GRM7: variants seen among roughly 807,000 people sequenced by gnomAD.
GRM7 encodes the protein glutamate metabotropic receptor 7.
In GRM7, 35 loss-of-function variants were observed where a neutral mutation model predicts 84.5. The observed-to-expected ratio is 0.41, with a 90% CI of 0.32 to 0.55. GRM7 has a LOEUF of 0.55. Ranked by LOEUF, GRM7 falls within the 20% of genes least tolerant of loss-of-function variation. The pLI is 0.19. For missense variants in GRM7, 1,003 were observed against 1,194.6 expected (o/e 0.84, Z 2.36); for synonymous variants, 487 against 455.1 (o/e 1.07, Z -0.89).
intron 1 of GRM7, among the ~76,000 whole-genome samples, chr3:6,923,597 A>G (rs1697200476): frequency 6.6e-6 from 1 of 152,168 alleles, no homozygotes. Flanking sequence ...TTTAACTTTT[A>G]CTATATCTAT....
At chr3:7,484,569 A>C (rs1224907904) in intron 7 of GRM7, among the ~76,000 whole-genome samples, 5 of 152,310 alleles carry the variant, frequency 3.3e-5, no homozygotes, top group African/African-American at 9.6e-5. Flanking sequence ...AAAGAAAGGG[A>C]GGCTAGATAG....
At chr3:7,427,099 A>G (rs1230016307) in intron 5 of GRM7, among the ~76,000 whole-genome samples, 2 of 152,204 alleles carry the variant, frequency 1.3e-5, no homozygotes, top group Admixed American at 6.5e-5. Context: ...TCAGAAGCCC[A>G]TTATGTTGTT....
intron 1 of GRM7, among the ~76,000 whole-genome samples, chr3:6,882,557 A>T (rs1487801677): frequency 6.6e-6 from 1 of 152,110 alleles, no homozygotes; most frequent in African/African-American, 2.4e-5. Flanking sequence ...CAAAAAAAAA[A>T]TAAAAAGTAT....
intron 1 of GRM7, among the ~76,000 whole-genome samples, chr3:6,940,107 C>T (rs538742320): frequency 1.3e-5 from 2 of 152,120 alleles, no homozygotes; most frequent in African/African-American, 4.8e-5. Context: ...TATTTATTTA[C>T]TTTGAGATGG....
intron 7 of GRM7, among the ~76,000 whole-genome samples, chr3:7,576,801 C>A (rs1575514782): frequency 6.6e-6 from 1 of 152,142 alleles, no homozygotes; most frequent in African/African-American, 2.4e-5. Flanking sequence ...CTTGTGGATA[C>A]TAAAACTATT....
intron 4 of GRM7, among the ~76,000 whole-genome samples, chr3:7,338,302 G>T (rs1268080621): frequency 6.6e-6 from 1 of 151,898 alleles, no homozygotes; most frequent in African/African-American, 2.4e-5. Flanking sequence ...TTATGAGGAT[G>T]CAAAGGCATA....
chr3:7,713,889 C>G (rs1205795652), intron 9 of GRM7, among the ~76,000 whole-genome samples: 1 of 135,554 alleles, frequency 7.4e-6, no homozygotes, highest in Non-Finnish European at 1.5e-5. Context: ...TGGAAACACA[C>G]ATTTAGTTAA....
Position 7,561,353 on chromosome 3 carries a change from T to C in GRM7, c.1516-17069T>C, listed in dbSNP as rs77686336. ...TATACACAAATTTATACTGTGATGC[T>C]GAGATCCTATTGAGGGAAAGAAAAT... On this transcript the variant is annotated intron_variant, in intron 7 of 9. Transcript: ENST00000357716. The C allele has an allele frequency of 1.2e-5, 4 of 332,242 alleles. No homozygotes were observed. In the Admixed American group the frequency reaches 1.5e-4, roughly 12 times the overall value. The allele number at this position is 332,242 out of a possible 1,614,324, so 20.6% of individuals were successfully genotyped here. A position where few individuals can be genotyped will look rare whatever the true frequency, so the allele number is the denominator to read the frequency against.
intron 4 of GRM7, among the ~76,000 whole-genome samples, chr3:7,381,137 C>T (rs940800137): frequency 2.6e-5 from 4 of 152,112 alleles, no homozygotes; most frequent in Admixed American, 2.0e-4. Flanking sequence ...TCATCTACTT[C>T]CTTGACTTTA....
At chr3:7,020,174 C>T (rs1345987848) in intron 1 of GRM7, among the ~76,000 whole-genome samples, 1 of 152,104 alleles carries the variant, frequency 6.6e-6, no homozygotes, top group East Asian at 1.9e-4. Context: ...AAAAAATGTG[C>T]AAATCTCCCA....
intron 7 of GRM7, among the ~76,000 whole-genome samples, chr3:7,524,223 A>C (rs936418861): frequency 4.0e-5 from 6 of 150,948 alleles, no homozygotes; most frequent in African/African-American, 1.5e-4. Flanking sequence ...TCATGTCTAA[A>C]ACACCAAAAG....
chr3:6,982,348 A>G (rs1442510029), intron 1 of GRM7, among the ~76,000 whole-genome samples: 1 of 152,150 alleles, frequency 6.6e-6, no homozygotes, highest in East Asian at 1.9e-4. Flanking sequence ...GTGTGGCACT[A>G]TGCTCAGCAA....
At chr3:7,025,585 A>G (rs1054273291) in intron 1 of GRM7, among the ~76,000 whole-genome samples, 4 of 152,186 alleles carry the variant, frequency 2.6e-5, no homozygotes, top group African/African-American at 9.7e-5. Context: ...TCCCTGAGTC[A>G]TGCCTGCAGA....
At chr3:7,308,075 G>A (rs569707134) in intron 4 of GRM7, among the ~76,000 whole-genome samples, 1 of 152,136 alleles carries the variant, frequency 6.6e-6, no homozygotes, top group African/African-American at 2.4e-5. Flanking sequence ...GAAGGAACAG[G>A]ACACATTAGG....
At chr3:7,096,913 G>C (rs1048573254) in intron 1 of GRM7, among the ~76,000 whole-genome samples, 5 of 152,094 alleles carry the variant, frequency 3.3e-5, no homozygotes, top group Non-Finnish European at 5.9e-5. Context: ...TCATTACATA[G>C]TTGTGAAATG....
At position 7,704,832 on chromosome 3, in the gene GRM7, G is replaced by C. The variant is rs56723788; in HGVS notation, c.2698+24537G>C. 2.9e-3 allele frequency among the ~76,000 whole-genome samples: 440 copies of C among 152,286 alleles called. 3 individuals carry two copies. Among genetic ancestry groups the C allele is most frequent in the African/African-American group, 9.8e-3 (407 of 41,566 alleles). The stretch of plus-strand genomic sequence containing the variant: ...TCCACAGGGCTCTTGTCCACCCTGG[G>C]CAGTGGAACATATGTACTGAACCTC... On this transcript the variant is annotated intron_variant, in intron 9 of 9. Transcript: ENST00000357716.
intron 5 of GRM7, among the ~76,000 whole-genome samples, chr3:7,438,674 C>G (rs1217971889): frequency 6.6e-6 from 1 of 152,060 alleles, no homozygotes; most frequent in Non-Finnish European, 1.5e-5. Flanking sequence ...CAATAAACAG[C>G]AACACCAAAC....
At chr3:7,158,007 A>T (rs1309446510) in intron 2 of GRM7, among the ~76,000 whole-genome samples, 6 of 152,188 alleles carry the variant, frequency 3.9e-5, no homozygotes, top group Admixed American at 3.9e-4. Flanking sequence ...CTCTTTTCAA[A>T]AACTGTGTGG....
chr3:6,935,871 T>C (rs919441940), intron 1 of GRM7, among the ~76,000 whole-genome samples: 1 of 152,000 alleles, frequency 6.6e-6, no homozygotes, highest in African/African-American at 2.4e-5. Context: ...AATTTTTGTA[T>C]TTTTAGTAGA....
Sources: allele counts gnomAD v4.1 joint callset (sites outside exome capture counted in the v4.1 genomes callset), GRCh38; gene constraint gnomAD v4.1.1; transcripts MANE v1.5; gene names NCBI Gene and HGNC (gene_info 2026-07-23, HGNC 2026-07-21).